UBE2V1: variants seen among roughly 807,000 people sequenced by gnomAD.
UBE2V1 encodes ubiquitin conjugating enzyme E2 V1.
Under a neutral mutation model 19.6 loss-of-function variants are expected in UBE2V1, and 15 were observed. The ratio of observed to expected loss-of-function variants is 0.77; its 90% confidence interval spans 0.51 to 1.18. UBE2V1 has a LOEUF of 1.18. UBE2V1 is among the 50% of genes most tolerant of loss of function. UBE2V1 has a pLI of 0.00. For missense variants in UBE2V1, 125 were observed against 184.8 expected (o/e 0.68, Z 1.88); for synonymous variants, 60 against 60.7 (o/e 0.99, Z 0.05).
intron 2 of UBE2V1, among the ~76,000 whole-genome samples, chr20:50,087,976 T>C (rs2079017294): frequency 1.3e-5 from 2 of 151,936 alleles, no homozygotes; most frequent in South Asian, 4.1e-4. Context: ...TTTCTTCCAA[T>C]TCTGGATATA....
chr20:50,100,785 T>C (rs1417772174), intron 1 of UBE2V1, among the ~76,000 whole-genome samples: 1 of 152,222 alleles, frequency 6.6e-6, no homozygotes, highest in African/African-American at 2.4e-5. Flanking sequence ...AGTAGGACTA[T>C]TCCTCTTGCA....
upstream of UBE2V1, chr20:50,113,252 G>C: frequency 1.4e-6 from 1 of 729,816 alleles, no homozygotes; most frequent in Non-Finnish European, 1.9e-6. Context: ...CCGGAGACCT[G>C]CACGACCCGT....
At chr20:50,106,051 C>A (rs780488299) in intron 1 of UBE2V1, among the ~76,000 whole-genome samples, 4 of 151,942 alleles carry the variant, frequency 2.6e-5, no homozygotes, top group Non-Finnish European at 4.4e-5. Flanking sequence ...AAATCTATAG[C>A]TAATGATAAG....
intron 1 of UBE2V1, among the ~76,000 whole-genome samples, chr20:50,111,794 T>G (rs1214530067): frequency 6.6e-6 from 1 of 152,158 alleles, no homozygotes; most frequent in Non-Finnish European, 1.5e-5. Context: ...GATCACCAAT[T>G]CCTTCCCAAC....
intron 2 of UBE2V1, among the ~76,000 whole-genome samples, chr20:50,088,356 G>A (rs1319636439): frequency 6.6e-6 from 1 of 152,164 alleles, no homozygotes; most frequent in South Asian, 2.1e-4. Flanking sequence ...ATGTATCAAC[G>A]TTGGTTTATT....
intron 1 of UBE2V1, chr20:50,098,905 C>T (rs2079806438): frequency 1.0e-6 from 1 of 985,198 alleles, no homozygotes; most frequent in East Asian, 1.1e-4. Flanking sequence ...TTGGAAAACA[C>T]TGGCATTTTC....
chr20:50,109,263 C>A (rs942764333), intron 1 of UBE2V1, among the ~76,000 whole-genome samples: 48 of 152,152 alleles, frequency 3.2e-4, no homozygotes, highest in Admixed American at 3.3e-4. Context: ...CAAAATTAAG[C>A]AGAGGATTCC....
chr20:50,099,149 A>G (rs2079824610), intron 1 of UBE2V1, among the ~76,000 whole-genome samples: 1 of 152,256 alleles, frequency 6.6e-6, no homozygotes, highest in Non-Finnish European at 1.5e-5. Context: ...GAACATCAAA[A>G]GAATCATATT....
rs1600929229 is a variant in UBE2V1, at chr20:50,081,696, A to G, written c.*1072T>C. The stretch of plus-strand genomic sequence containing the variant: ...TTTTAAAAGCAAAAGCAGTTACAGG[A>G]AAGTAAAACAATTCAGAGGGATCAT... On this transcript the variant is annotated 3_prime_UTR_variant, in exon 4 of 4. Transcript: ENST00000371674. 1 of 200,778 alleles carries G rather than the reference A, an allele frequency of 5.0e-6. No individual in the cohort carries two copies. The highest frequency in any genetic ancestry group is 2.3e-5 in the African/African-American group (1 of 42,982). 12.4% of individuals were successfully genotyped at this position (200,778 alleles called of 1,614,324 possible). A position where few individuals can be genotyped will look rare whatever the true frequency, so the allele number is the denominator to read the frequency against.
In UBE2V1 at chr20:50,107,312, G is replaced by C. The variant is rs1049946756; in HGVS notation, c.22+5795C>G. On this transcript the variant is annotated intron_variant, in intron 1 of 3. Transcript: ENST00000371674. ...TCTGACAAGCCCTCCAGGACTCTGA[G>C]GTATACTAGTTTGAGATCCATTGCT... 3.3e-5 allele frequency among the ~76,000 whole-genome samples: 5 copies of C among 152,196 alleles called. No homozygotes were observed. In the East Asian group the frequency reaches 9.6e-4, roughly 29 times the overall value.
intron 2 of UBE2V1, among the ~76,000 whole-genome samples, chr20:50,088,863 A>G (rs896106136): frequency 6.6e-6 from 1 of 152,180 alleles, no homozygotes. Context: ...AAAATTACAA[A>G]ATCTAAACAT....
At chr20:50,102,814 C>T (rs904483304) in intron 1 of UBE2V1, among the ~76,000 whole-genome samples, 13 of 152,234 alleles carry the variant, frequency 8.5e-5, no homozygotes, top group African/African-American at 2.4e-4. Context: ...CCACCTGCTT[C>T]GCCAACATCA....
At chr20:50,084,104 A>T (rs1486555912) in intron 3 of UBE2V1, 25 bp downstream of exon 3, 1 of 1,553,534 alleles carries the variant, frequency 6.4e-7, no homozygotes. Flanking sequence ...TCCAAGGAAC[A>T]AGTGGGACAG....
rs1358300071 is a variant in UBE2V1, at chr20:50,098,817, A to C, written c.23-1997T>G. On this transcript the variant is annotated intron_variant, in intron 1 of 3. Coordinates refer to ENST00000371674, the MANE Select transcript of UBE2V1 (RefSeq NM_001032288.3). ...GTAAGCAAAAGAGTCAGTTGATTAC[A>C]AGAAAAATATTAAATAGTACTACAT... The C allele has an allele frequency of 4.7e-6, 3 of 636,904 alleles. No homozygotes were observed. In the African/African-American group the frequency reaches 6.0e-5, roughly 13 times the overall value. 39.5% of individuals were successfully genotyped at this position (636,904 alleles called of 1,614,324 possible).
intron 1 of UBE2V1, among the ~76,000 whole-genome samples, chr20:50,100,238 G>A (rs1426392818): frequency 4.1e-5 from 6 of 145,474 alleles, no homozygotes; most frequent in East Asian, 2.0e-4. Flanking sequence ...CTATGATCAC[G>A]CCACTGCATT....
intron 2 of UBE2V1, among the ~76,000 whole-genome samples, chr20:50,091,748 C>T (rs2079243960): frequency 6.6e-6 from 1 of 152,120 alleles, no homozygotes; most frequent in African/African-American, 2.4e-5. Flanking sequence ...AAGATGTCCA[C>T]CATCTATTAG....
rs2078675395 is a variant in UBE2V1 at position 50,082,251 on chromosome 20, A to G, written c.*517T>C. 1 of 157,422 alleles carries G rather than the reference A, an allele frequency of 6.4e-6. No homozygotes were observed. The highest frequency in any genetic ancestry group is 1.4e-5 in the Non-Finnish European group (1 of 71,124). 9.8% of individuals were successfully genotyped at this position (157,422 alleles called of 1,614,324 possible). On this transcript the variant is annotated 3_prime_UTR_variant, in exon 4 of 4. Transcript: ENST00000371674. ...GCATCACTTAAGACTTAAAGAAACC[A>G]GGGGTGCAGGCGAAACACCCCACAC...
chr20:50,083,838 G>A (rs973897083), intron 3 of UBE2V1: 5 of 220,138 alleles, frequency 2.3e-5, no homozygotes, highest in Admixed American at 1.1e-4. Context: ...GATCTTCCAC[G>A]TCTGTGCCTC....
rs1345930033 is a variant in UBE2V1 at position 50,081,811 on chromosome 20, T to G, written c.*957A>C. ...GGCAGGTCTGAGTAACCCTGGTGAC[T>G]ATTCTTTTCACCTTATCAAAACCTG... On this transcript the variant is annotated 3_prime_UTR_variant, in exon 4 of 4. Transcript: ENST00000371674. 3 of 262,582 alleles carry G rather than the reference T, an allele frequency of 1.1e-5. No homozygotes were observed. The highest frequency in any genetic ancestry group is 2.2e-5 in the Non-Finnish European group (3 of 139,466). The allele number at this position is 262,582 out of a possible 1,614,324, so 16.3% of individuals were successfully genotyped here.
Sources: allele counts gnomAD v4.1 joint callset (sites outside exome capture counted in the v4.1 genomes callset), GRCh38; gene constraint gnomAD v4.1.1; transcripts MANE v1.5; gene names NCBI Gene and HGNC (gene_info 2026-07-23, HGNC 2026-07-21).